YWHAG: variants seen among roughly 807,000 people sequenced by gnomAD.
The protein encoded by YWHAG is 14-3-3 protein gamma.
A neutral mutation model predicts 23.3 loss-of-function variants in YWHAG; 1 was observed. The observed-to-expected ratio is 0.04, with a 90% confidence interval of 0.02 to 0.20. The LOEUF (loss-of-function observed/expected upper bound fraction) is 0.20, where lower values mean the gene tolerates loss of function less well. Ranked by LOEUF, YWHAG falls within the 10% of genes least tolerant of loss-of-function variation. YWHAG has a pLI of 1.00. For synonymous variants in YWHAG, 160 were observed against 144.0 expected (o/e 1.11, Z -0.80); for missense variants, 151 against 338.6 (o/e 0.45, Z 4.35).
At chr7:76,337,230 C>T (rs1803629438) in intron 1 of YWHAG, among the ~76,000 whole-genome samples, 1 of 152,102 alleles carries the variant, frequency 6.6e-6, no homozygotes, top group African/African-American at 2.4e-5. Context: ...AGGGAGGGTT[C>T]CCACCATTCC....
At chr7:76,331,362 C>T (rs184256983) in intron 1 of YWHAG, among the ~76,000 whole-genome samples, 1 of 152,002 alleles carries the variant, frequency 6.6e-6, no homozygotes, top group South Asian at 2.1e-4. Context: ...TGTTGATCAA[C>T]TGCAGCATCT....
In YWHAG at chr7:76,329,583, G is replaced by A; in HGVS notation, c.738C>T (p.Asn246=). Residue 246 remains asparagine (N), a synonymous_variant, in exon 2 of 2, where the codon AAC becomes AAT. Coordinates refer to ENST00000307630, the MANE Select transcript of YWHAG (RefSeq NM_012479.4). This position sits in a 1 kb window ranked among gnomAD's most constrained non-coding sequence, Gnocchi z 6.1. ...TGCCAGTTCCCCTGGGGCCTTAATT[G>A]TTGCCTTCGCCGCCATCGTCGTCCT... The part of the protein sequence containing the change: ...DQQDDDGGEG[N]N 6.4e-7 allele frequency: 1 copy of A among 1,564,436 alleles called. No individual in the cohort carries two copies. Among genetic ancestry groups the A allele is most frequent in the African/African-American group, 1.4e-5 (1 of 73,382 alleles).
chr7:76,358,824 T>C lies in YWHAG; in HGVS notation c.-16A>G. The C allele has an allele frequency of 6.3e-7, 1 of 1,586,032 alleles. No individual in the cohort carries two copies. The highest frequency in any genetic ancestry group is 8.6e-7 in the Non-Finnish European group (1 of 1,167,472). On this transcript the variant is annotated 5_prime_UTR_variant, in exon 1 of 2. Transcript: ENST00000307630. ...GGTCCACCATCTTCGCGGGGCTGGG[T>C]CTGGCCGGAGAAGGAGGAGGACACT...
At chr7:76,356,271 C>T (rs954027520) in intron 1 of YWHAG, among the ~76,000 whole-genome samples, 2 of 152,166 alleles carry the variant, frequency 1.3e-5, no homozygotes, top group Admixed American at 6.5e-5. Context: ...CTTATTGAAT[C>T]CGCACAACTT....
At chr7:76,353,839 T>C (rs1307642049) in intron 1 of YWHAG, among the ~76,000 whole-genome samples, 1 of 151,816 alleles carries the variant, frequency 6.6e-6, no homozygotes, top group Non-Finnish European at 1.5e-5. Context: ...GAGGCCAAGA[T>C]GGGCAGACTG....
rs994698337 is a variant in YWHAG, at chr7:76,358,934, G to C, written c.-126C>G. The C allele has an allele frequency of 1.4e-5, 13 of 898,698 alleles. No individual in the cohort carries two copies. Among genetic ancestry groups the C allele is most frequent in the Non-Finnish European group, 2.0e-5 (13 of 651,312 alleles). The allele number at this position is 898,698 out of a possible 1,614,324, so 55.7% of individuals were successfully genotyped here. Reference sequence around the variant, plus strand: ...CCACAGAGCGAGCAGCTGAGGCGGCGGCTGCGCGGAGGAGGCGGCTGGAGC... The same window carrying C: ...CCACAGAGCGAGCAGCTGAGGCGGCCGCTGCGCGGAGGAGGCGGCTGGAGC... On this transcript the variant is annotated 5_prime_UTR_variant, in exon 1 of 2. Transcript: ENST00000307630.
chr7:76,347,610 C>T (rs1021532507), intron 1 of YWHAG, among the ~76,000 whole-genome samples: 4 of 146,366 alleles, frequency 2.7e-5, no homozygotes, highest in Non-Finnish European at 6.0e-5. Context: ...ACAAAAAAAA[C>T]ACTCAAATGT....
intron 1 of YWHAG, among the ~76,000 whole-genome samples, chr7:76,332,914 G>A (rs1342993993): frequency 6.6e-6 from 1 of 152,122 alleles, no homozygotes; most frequent in Non-Finnish European, 1.5e-5. Context: ...ATGTTGGCCA[G>A]GATGGTCTCA....
chr7:76,348,590 G>A (rs1803822244), intron 1 of YWHAG, among the ~76,000 whole-genome samples: 1 of 152,042 alleles, frequency 6.6e-6, no homozygotes, highest in Non-Finnish European at 1.5e-5. Flanking sequence ...ATTTTTAGTA[G>A]AGACGGGGTT....
At position 76,330,227 on chromosome 7, in the gene YWHAG, C is replaced by G. The variant is rs1430500844; in HGVS notation, c.94G>C (p.Glu32Gln). 1.9e-6 allele frequency: 3 copies of G among 1,611,180 alleles called. No individual in the cohort carries two copies. Among genetic ancestry groups the G allele is most frequent in the Non-Finnish European group, 2.5e-6 (3 of 1,179,546 alleles). Residue 32 changes from glutamate (E) to glutamine (Q), a missense_variant, in exon 2 of 2, where the codon GAG (glutamate) becomes CAG (glutamine). Transcript: ENST00000307630. ...TCATTCGACAGTGGCTCATTCAGCT[C>G]TGTCACCTGCCAGGAGGAAAGAACA... The part of the protein sequence containing the change: ...DMAAAMKNVT[E>Q]LNEPLSNEER...
rs966333021 is a variant in YWHAG, at chr7:76,328,347, C to T, written c.*1230G>A. ...GAGTTCAGTGTTTGTTATCTGGTAA[C>T]AGTTTTTTTATCTTCCTACAATTAC... On this transcript the variant is annotated 3_prime_UTR_variant, in exon 2 of 2. Coordinates refer to ENST00000307630, the MANE Select transcript of YWHAG (RefSeq NM_012479.4). 6.6e-6 allele frequency: 1 copy of T among 152,182 alleles called. No homozygotes were observed. The highest frequency in any genetic ancestry group is 1.5e-5 in the Non-Finnish European group (1 of 68,018). 9.4% of individuals were successfully genotyped at this position (152,182 alleles called of 1,614,324 possible).
At chr7:76,331,189 A>C (rs2860469) in intron 1 of YWHAG, among the ~76,000 whole-genome samples, 97,740 of 151,956 alleles carry the variant, frequency 0.64, 33,101 homozygotes, top group East Asian at 0.94. Context: ...AGGATCACAG[A>C]TCACTGCAGC....
chr7:76,358,829 C>T lies in YWHAG; in HGVS notation c.-21G>A. The T allele has an allele frequency of 1.3e-6, 2 of 1,582,426 alleles. No homozygotes were observed. Among genetic ancestry groups the T allele is most frequent in the South Asian group, 1.1e-5 (1 of 87,090 alleles). ...ACCATCTTCGCGGGGCTGGGTCTGG[C>T]CGGAGAAGGAGGAGGACACTGGGGC... On this transcript the variant is annotated 5_prime_UTR_variant, in exon 1 of 2. Transcript: ENST00000307630.
chr7:76,358,375 T>C (rs895945848), intron 1 of YWHAG, among the ~76,000 whole-genome samples: 1 of 151,960 alleles, frequency 6.6e-6, no homozygotes, highest in Non-Finnish European at 1.5e-5. Flanking sequence ...AGGGGGGAAG[T>C]GGGGCACAAA....
intron 1 of YWHAG, among the ~76,000 whole-genome samples, chr7:76,345,453 T>G (rs1459853222): frequency 6.6e-6 from 1 of 151,336 alleles, no homozygotes; most frequent in African/African-American, 2.4e-5. Context: ...CCCAAAGTGC[T>G]GGGATTACAG....
chr7:76,346,972 T>G (rs1200503002), intron 1 of YWHAG, among the ~76,000 whole-genome samples: 1 of 152,118 alleles, frequency 6.6e-6, no homozygotes, highest in Non-Finnish European at 1.5e-5. Context: ...CCACCAGTTC[T>G]CCTTTTCCAT....
At chr7:76,341,272 C>T (rs979982086) in intron 1 of YWHAG, among the ~76,000 whole-genome samples, 6 of 151,826 alleles carry the variant, frequency 4.0e-5, no homozygotes, top group Admixed American at 3.9e-4. Context: ...GGCATGGTGG[C>T]TCGCACCTGT....
At chr7:76,355,741 C>T (rs1392675075) in intron 1 of YWHAG, among the ~76,000 whole-genome samples, 1 of 152,096 alleles carries the variant, frequency 6.6e-6, no homozygotes, top group East Asian at 1.9e-4. Context: ...CCTTTGCCCT[C>T]CCACCCCTCA....
chr7:76,329,999 G>A lies in YWHAG; in HGVS notation c.322C>T (p.Leu108=), dbSNP rs769682432. 1 of 1,614,166 alleles carries A rather than the reference G, an allele frequency of 6.2e-7. No homozygotes were observed. The highest frequency in any genetic ancestry group is 1.1e-5 in the South Asian group (1 of 91,078). ...QDVLSLLDNY[L]IKNCSETQYE... Reference sequence around the variant, plus strand: ...TGGGTCTCGCTGCAATTCTTGATCAGGTAGTTATCCAGCAGGCTCAGCACA... The same window carrying A: ...TGGGTCTCGCTGCAATTCTTGATCAAGTAGTTATCCAGCAGGCTCAGCACA... Residue 108 remains leucine (L), a synonymous_variant, in exon 2 of 2, where the codon CTG becomes TTG. Transcript: ENST00000307630. The surrounding 1 kb of genome is among the most constrained non-coding windows in gnomAD (Gnocchi z 6.1).
Sources: gnomAD v4.1 joint callset for allele counts (sites outside exome capture counted in the v4.1 genomes callset) on GRCh38, gnomAD v4.1.1 for gene constraint, Gnocchi (gnomAD v3.1) non-coding constraint, MANE v1.5 for transcripts, NCBI Gene and HGNC (gene_info 2026-07-23, HGNC 2026-07-21) for gene names.